Variants in B3GALNT2 observed in about 807,000 individuals in gnomAD.
B3GALNT2 encodes beta-1,3-N-acetylgalactosaminyltransferase 2, also known as UDP-GalNAc:beta-1,3-N-acetylgalactosaminyltransferase 2.
B3GALNT2 carries 53 observed loss-of-function variants against 61.1 expected under a neutral mutation model. The observed-to-expected ratio is 0.87, with a 90% CI of 0.70 to 1.09. B3GALNT2 has a LOEUF of 1.09. Among genes scored for constraint, B3GALNT2 ranks in the 50% least tolerant of loss-of-function variants. The pLI is 0.00. For missense variants in B3GALNT2, 544 were observed against 623.0 expected, an observed-to-expected ratio of 0.87 and a Z score of 1.35; for synonymous variants, 223 against 237.4, an observed-to-expected ratio of 0.94 and a Z score of 0.56.
intron 9 of B3GALNT2, among the ~76,000 whole-genome samples, 170 bp from the exon 10 acceptor site, chr1:235,454,485 CTGGAG>C (rs1347361367): frequency 1.3e-5 from 2 of 152,126 alleles, no homozygotes; most frequent in African/African-American, 4.8e-5. Context: ...GTTGCTCAGG[CTGGAG>C]TGTAGTGGTG....
At chr1:235,471,035 G>T (rs1572513619) in intron 5 of B3GALNT2, 75 bp from the exon 6 acceptor site, 1 of 1,554,968 alleles carries the variant, frequency 6.4e-7, no homozygotes, top group East Asian at 2.3e-5. Flanking sequence ...TTTCAGGCAA[G>T]ATTTTTAGAG....
At chr1:235,457,209 A>G (rs1683207299) in intron 8 of B3GALNT2, among the ~76,000 whole-genome samples, 1 of 152,194 alleles carries the variant, frequency 6.6e-6, no homozygotes, top group Non-Finnish European at 1.5e-5. Context: ...GGACCAGGGA[A>G]CTGTATCCGT....
At chr1:235,474,332 C>A (rs1684137337) in intron 5 of B3GALNT2, among the ~76,000 whole-genome samples, 2 of 152,180 alleles carry the variant, frequency 1.3e-5, no homozygotes, top group African/African-American at 4.8e-5. Context: ...GATATCATAT[C>A]TATCTCTCCC....
the B3GALNT2 span, chr1:235,441,798 T>C: frequency 2.5e-6 from 4 of 1,613,272 alleles, no homozygotes; most frequent in Non-Finnish European, 3.4e-6. Context: ...TTCATCTCTT[T>C]TGCTTTCTTA....
chr1:235,473,323 C>G (rs917930263), intron 5 of B3GALNT2, among the ~76,000 whole-genome samples: 1 of 152,184 alleles, frequency 6.6e-6, no homozygotes, highest in African/African-American at 2.4e-5. Context: ...GCTCTGTATT[C>G]AGCTAATGTA....
At chr1:235,484,224 T>C (rs1408883039) in intron 4 of B3GALNT2, 98 bp downstream of exon 4, 5 of 1,456,652 alleles carry the variant, frequency 3.4e-6, no homozygotes. Context: ...CCAGAGAGAA[T>C]TATATAGTCT....
intron 6 of B3GALNT2, 90 bp from the exon 7 acceptor site, chr1:235,465,804 C>T (rs1023855497): frequency 1.0e-5 from 15 of 1,467,170 alleles, no homozygotes; most frequent in African/African-American, 2.8e-5. Context: ...CATAATATGA[C>T]TCCACTTGCA....
At position 235,447,920 on chromosome 1, in the gene B3GALNT2, T is replaced by TGAAA. The variant is rs1238315593; in HGVS notation, c.*2282_*2285dup. ...CTTGGGTAAAGTGACTTGGGTAAAA[T>TGAAA]GAAAGATACAGCCAGGCGCTGGGCT... On this transcript the variant is annotated 3_prime_UTR_variant, in exon 12 of 12. Coordinates refer to ENST00000366600, the MANE Select transcript of B3GALNT2 (RefSeq NM_152490.5). 6.6e-6 allele frequency among the ~76,000 whole-genome samples: 1 copy of TGAAA among 152,010 alleles called. No individual in the cohort carries two copies. Among genetic ancestry groups the TGAAA allele is most frequent in the African/African-American group, 2.4e-5 (1 of 41,392 alleles).
intron 1 of B3GALNT2, among the ~76,000 whole-genome samples, chr1:235,500,530 T>A (rs1685537356): frequency 1.3e-5 from 2 of 152,102 alleles, no homozygotes; most frequent in Non-Finnish European, 1.5e-5. Context: ...AATTGATTGC[T>A]CAAAATAAGC....
intron 6 of B3GALNT2, 151 bp downstream of exon 6, chr1:235,470,699 G>T: frequency 8.3e-7 from 1 of 1,210,214 alleles, no homozygotes; most frequent in Non-Finnish European, 1.1e-6. Flanking sequence ...CCTTTACTAT[G>T]AAGACAACAA....
Position 235,447,318 on chromosome 1 carries a change from T to C in B3GALNT2, c.*2888A>G, listed in dbSNP as rs528626463. 6.6e-6 allele frequency among the ~76,000 whole-genome samples: 1 copy of C among 152,364 alleles called. No homozygotes were observed. Among genetic ancestry groups the C allele is most frequent in the East Asian group, 1.9e-4 (1 of 5,190 alleles). On this transcript the variant is annotated 3_prime_UTR_variant, in exon 12 of 12. Transcript: ENST00000366600. The stretch of plus-strand genomic sequence containing the variant: ...AAAAATATGTTTGAATACACTGTGA[T>C]ATTTGTAGGAACACCACACTATTGC...
intron 8 of B3GALNT2, among the ~76,000 whole-genome samples, chr1:235,457,030 A>T (rs1683196422): frequency 6.6e-6 from 1 of 152,178 alleles, no homozygotes; most frequent in Non-Finnish European, 1.5e-5. Context: ...CCAGCAGGCC[A>T]GGTGTGGTGG....
chr1:235,504,030 C>G, intron 1 of B3GALNT2, 111 bp downstream of exon 1: 1 of 1,108,070 alleles, frequency 9.0e-7, no homozygotes, highest in Non-Finnish European at 1.1e-6. Flanking sequence ...TGGGGACCGT[C>G]GCGTTTGGCC....
At chr1:235,466,210 T>G (rs1276943494) in intron 6 of B3GALNT2, among the ~76,000 whole-genome samples, 1 of 148,740 alleles carries the variant, frequency 6.7e-6, no homozygotes, top group African/African-American at 2.5e-5. Flanking sequence ...AAAAAAATTT[T>G]TTTTTAATTT....
intron 11 of B3GALNT2, among the ~76,000 whole-genome samples, chr1:235,452,623 C>A (rs570494530): frequency 1.3e-5 from 2 of 151,958 alleles, no homozygotes; most frequent in African/African-American, 4.8e-5. Context: ...TTCACAGCTC[C>A]CTGCACCCTC....
Position 235,504,227 on chromosome 1 carries a change from C to G in B3GALNT2, c.26G>C (p.Cys9Ser). MRNWLVLL[C>S]PCVLGAALHL... ...CAGCGCGGCCCCGAGCACACACGGGCACAGCAGCACCAGCCAGTTTCGCAT... is the reference window on the plus strand; with the variant it reads ...CAGCGCGGCCCCGAGCACACACGGGGACAGCAGCACCAGCCAGTTTCGCAT... Residue 9 changes from cysteine (C) to serine (S), a missense_variant, in exon 1 of 12, where the codon TGC becomes TCC. Cys to Ser is a moderately radical substitution (Grantham distance 112). Transcript: ENST00000366600. 6.8e-7 allele frequency: 1 copy of G among 1,478,510 alleles called. No individual in the cohort carries two copies. Among genetic ancestry groups the G allele is most frequent in the Non-Finnish European group, 8.9e-7 (1 of 1,121,532 alleles). 91.6% of individuals were successfully genotyped at this position (1,478,510 alleles called of 1,614,324 possible).
intron 6 of B3GALNT2, among the ~76,000 whole-genome samples, chr1:235,469,753 G>T (rs1683894455): frequency 6.6e-6 from 1 of 151,632 alleles, no homozygotes; most frequent in Admixed American, 6.6e-5. Context: ...GTAGAGACGG[G>T]GTTTCACCAT....
rs1308285637 is a variant in B3GALNT2 at position 235,471,111 on chromosome 1, G to A, written c.652-151C>T. ...ATAACTCTGACATACCACTGTTAGCGTTTGGTGTGTATCCTTGACCGTTTT... is the reference window on the plus strand; with the variant it reads ...ATAACTCTGACATACCACTGTTAGCATTTGGTGTGTATCCTTGACCGTTTT... On this transcript the variant is annotated intron_variant, in intron 5 of 11. Transcript: ENST00000366600. 1.6e-5 allele frequency: 23 copies of A among 1,408,078 alleles called. No individual in the cohort carries two copies. The South Asian group carries it at 3.0e-4, about 18-fold the overall frequency. 87.2% of individuals were successfully genotyped at this position (1,408,078 alleles called of 1,614,324 possible).
rs770314481 is a variant in B3GALNT2 at position 235,472,294 on chromosome 1, C to T, written c.652-1334G>A. 7.9e-5 allele frequency among the ~76,000 whole-genome samples: 12 copies of T among 152,100 alleles called. No homozygotes were observed. The East Asian group carries it at 1.9e-3, about 24-fold the overall frequency. On this transcript the variant is annotated intron_variant, in intron 5 of 11. Coordinates refer to ENST00000366600, the MANE Select transcript of B3GALNT2 (RefSeq NM_152490.5). ...AATTCTGAGCTGAGAGAGCTATGCCCCCCTGTCCCAAGGTCTGATATATAT... is the reference window on the plus strand; with the variant it reads ...AATTCTGAGCTGAGAGAGCTATGCCTCCCTGTCCCAAGGTCTGATATATAT...
Sources: gnomAD v4.1 joint callset for allele counts (sites outside exome capture counted in the v4.1 genomes callset) on GRCh38, gnomAD v4.1.1 for gene constraint, MANE v1.5 for transcripts, NCBI Gene and HGNC (gene_info 2026-07-23, HGNC 2026-07-21) for gene names.